NDUFA9: variants seen among roughly 807,000 people sequenced by gnomAD.
NDUFA9 encodes NADH:ubiquinone oxidoreductase subunit A9, also known as NADH dehydrogenase [ubiquinone] 1 alpha subcomplex subunit 9, mitochondrial.
Under a neutral mutation model 45.9 loss-of-function variants are expected in NDUFA9, and 23 were observed. That is an observed-to-expected ratio of 0.50 (90% confidence interval 0.36 to 0.71). NDUFA9 has a LOEUF of 0.71. Among genes scored for constraint, NDUFA9 ranks in the 30% least tolerant of loss-of-function variants. NDUFA9 has a pLI of 0.00. For synonymous variants in NDUFA9, 176 were observed against 170.5 expected (o/e 1.03, Z -0.25); for missense variants, 466 against 488.2 (o/e 0.95, Z 0.43).
chr12:4,672,552 G>A (rs1269465105), intron 8 of NDUFA9, among the ~76,000 whole-genome samples: 3 of 152,294 alleles, frequency 2.0e-5, no homozygotes, highest in Middle Eastern at 3.4e-3. Context: ...GGAGGGAGGG[G>A]CGTCCACCAT....
intron 9 of NDUFA9, among the ~76,000 whole-genome samples, 174 bp downstream of exon 9, chr12:4,682,474 AT>A (rs1710723566): frequency 1.3e-5 from 2 of 152,342 alleles, no homozygotes; most frequent in East Asian, 1.9e-4. Context: ...TTAAAAAAAA[AT>A]ATATTGGAAC....
chr12:4,669,100 T>C (rs184366351), intron 7 of NDUFA9, among the ~76,000 whole-genome samples: 92 of 152,294 alleles, frequency 6.0e-4, no homozygotes, highest in Non-Finnish European at 1.1e-3. Flanking sequence ...TTCTCAGTAG[T>C]GGCACTATTG....
Position 4,687,184 on chromosome 12 carries a change from C to G in NDUFA9, c.*76C>G, listed in dbSNP as rs1280166337. 3.6e-6 allele frequency: 5 copies of G among 1,405,990 alleles called. No individual in the cohort carries two copies. The highest frequency in any genetic ancestry group is 4.9e-6 in the Non-Finnish European group (5 of 1,026,810). 87.1% of individuals were successfully genotyped at this position (1,405,990 alleles called of 1,614,324 possible). A position where few individuals can be genotyped will look rare whatever the true frequency, so the allele number is the denominator to read the frequency against. On this transcript the variant is annotated 3_prime_UTR_variant, in exon 11 of 11. Transcript: ENST00000266544. ...GTTTGAGCACCCAGCCAGGCGGTCTCTTTAGAGGATCCTGTACACAGTTCC... is the reference window on the plus strand; with the variant it reads ...GTTTGAGCACCCAGCCAGGCGGTCTGTTTAGAGGATCCTGTACACAGTTCC...
rs188135296 is a variant in NDUFA9 at position 4,692,699 on chromosome 12, C to A, written c.*5591C>A. The A allele has an allele frequency of 1.6e-3, 238 of 152,232 alleles. 4 individuals are homozygous for A. Among genetic ancestry groups the A allele is most frequent in the Non-Finnish European group, 3.1e-4 (21 of 68,100 alleles). 9.4% of individuals were successfully genotyped at this position (152,232 alleles called of 1,614,324 possible). On this transcript the variant is annotated 3_prime_UTR_variant, in exon 11 of 11. Coordinates refer to ENST00000266544, the MANE Select transcript of NDUFA9 (RefSeq NM_005002.5). ...GGAGGGTATAACTTGTGGTGCCTAG[C>A]CCTAGAGGGAATGGAAGGGCCAGAA...
chr12:4,662,067 T>G (rs1054225037), intron 5 of NDUFA9, among the ~76,000 whole-genome samples: 1 of 152,144 alleles, frequency 6.6e-6, no homozygotes, highest in Non-Finnish European at 1.5e-5. Flanking sequence ...TGATAACAAG[T>G]AAGGATGGTA....
At position 4,688,641 on chromosome 12, in the gene NDUFA9, C is replaced by T. The variant is rs893959782; in HGVS notation, c.*1533C>T. The T allele has an allele frequency of 1.3e-5, 2 of 152,190 alleles. No homozygotes were observed. The highest frequency in any genetic ancestry group is 4.8e-5 in the African/African-American group (2 of 41,446). The allele number at this position is 152,190 out of a possible 1,614,324, so 9.4% of individuals were successfully genotyped here. Reference sequence around the variant, plus strand: ...GCTGTATCAGAGTTCAGTGTGATCCCTGTTATTAATCCAGGTTGCTGACCC... The same window carrying T: ...GCTGTATCAGAGTTCAGTGTGATCCTTGTTATTAATCCAGGTTGCTGACCC... On this transcript the variant is annotated 3_prime_UTR_variant, in exon 11 of 11. Coordinates refer to ENST00000266544, the MANE Select transcript of NDUFA9 (RefSeq NM_005002.5).
intron 8 of NDUFA9, among the ~76,000 whole-genome samples, chr12:4,679,282 ACTAGAGT>A (rs1244732076): frequency 6.6e-6 from 1 of 152,318 alleles, no homozygotes; most frequent in East Asian, 1.9e-4. Flanking sequence ...GGAGGATCTT[ACTAGAGT>A]AAGGAAAAAT....
intron 3 of NDUFA9, 66 bp downstream of exon 3, chr12:4,654,988 T>C: frequency 7.7e-7 from 1 of 1,300,216 alleles, no homozygotes; most frequent in Non-Finnish European, 1.1e-6. Flanking sequence ...TTAGGAGTGA[T>C]AGGCAGTATA....
chr12:4,651,963 A>AT (rs2073695899), intron 1 of NDUFA9, among the ~76,000 whole-genome samples: 1 of 152,166 alleles, frequency 6.6e-6, no homozygotes, highest in African/African-American at 2.4e-5. Context: ...TCAGTGCTAC[A>AT]TTTTTCTAGG....
chr12:4,674,689 A>T (rs1250678188), intron 8 of NDUFA9, among the ~76,000 whole-genome samples: 2 of 152,206 alleles, frequency 1.3e-5, no homozygotes, highest in African/African-American at 2.4e-5. Context: ...GGAGACCTAC[A>T]AAGAGACTTA....
intron 6 of NDUFA9, among the ~76,000 whole-genome samples, chr12:4,666,004 T>A (rs944833072): frequency 6.6e-6 from 1 of 152,086 alleles, no homozygotes; most frequent in Admixed American, 6.6e-5. Context: ...CAGGTCTTGC[T>A]CTCTTGCCCG....
At chr12:4,672,632 AG>A (rs1945894299) in intron 8 of NDUFA9, among the ~76,000 whole-genome samples, 1 of 152,240 alleles carries the variant, frequency 6.6e-6, no homozygotes, top group South Asian at 2.1e-4. Flanking sequence ...AACTGGGCAG[AG>A]CCCACTGCAG....
intron 8 of NDUFA9, among the ~76,000 whole-genome samples, chr12:4,679,361 A>T (rs1413440501): frequency 6.6e-6 from 1 of 152,238 alleles, no homozygotes; most frequent in Non-Finnish European, 1.5e-5. Flanking sequence ...AAATCATTGA[A>T]TTATATGCTT....
At position 4,649,131 on chromosome 12, in the gene NDUFA9, C is replaced by G. The variant is rs755567083; in HGVS notation, c.5C>G (p.Ala2Gly). Residue 2 changes from alanine (A) to glycine (G), a missense_variant, in exon 1 of 11, where the codon GCG becomes GGG. By Grantham distance (60) the Ala-to-Gly change is moderately conservative. Coordinates refer to ENST00000266544, the MANE Select transcript of NDUFA9 (RefSeq NM_005002.5). ...CGTGGGGGATTGTGGGAAAAGATGG[C>G]GGCTGCCGCACAATCCCGGGTTGTC... is the stretch of plus-strand genomic sequence containing the variant. M[A>G]AAAQSRVVRV... 6.2e-7 allele frequency: 1 copy of G among 1,603,572 alleles called. No homozygotes were observed. The highest frequency in any genetic ancestry group is 2.2e-5 in the East Asian group (1 of 44,540).
rs139674448 is a variant in NDUFA9, at chr12:4,685,304, A to G, written c.942A>G (p.Ile314Met). The G allele has an allele frequency of 3.8e-4, 608 of 1,614,086 alleles. No homozygotes were observed. The African/African-American group carries it at 7.3e-3, about 19-fold the overall frequency. The change falls in exon 10 of 11, where the codon ATA becomes ATG. Residue 314 changes from isoleucine (I) to methionine (M), a missense_variant. Physicochemically the swap from Ile to Met is conservative, Grantham distance 10 (BLOSUM62 1). Transcript: ENST00000266544. ...VFEISPFEPW[I>M]TRDKVERMHI... ...AAATAAGCCCATTTGAGCCCTGGAT[A>G]ACAAGGGATAAAGTGGAGCGGGTGA...
At chr12:4,679,988 T>C (rs1022829930) in intron 8 of NDUFA9, among the ~76,000 whole-genome samples, 1 of 152,214 alleles carries the variant, frequency 6.6e-6, no homozygotes, top group Non-Finnish European at 1.5e-5. Flanking sequence ...CAAACATTTC[T>C]TCAACTTTAA....
chr12:4,678,527 G>T (rs1318011180), intron 8 of NDUFA9, among the ~76,000 whole-genome samples: 1 of 151,944 alleles, frequency 6.6e-6, no homozygotes, highest in Non-Finnish European at 1.5e-5. Flanking sequence ...TCACAGATTG[G>T]GGGAAAATAT....
intron 5 of NDUFA9, among the ~76,000 whole-genome samples, chr12:4,660,949 GGAAGAT>G (rs1945819894): frequency 6.6e-6 from 1 of 152,088 alleles, no homozygotes; most frequent in South Asian, 2.1e-4. Context: ...ACTGGCAAGA[GGAAGAT>G]GAAAGACTGA....
rs11834553 is a variant in NDUFA9, at chr12:4,659,469, C to G, written c.552+292C>G. On this transcript the variant is annotated intron_variant, in intron 5 of 10. Transcript: ENST00000266544. The stretch of plus-strand genomic sequence containing the variant: ...CATCATTGAATTATACAGAAACCAT[C>G]ACAGATTTCTGCCAAAGGAATCATA... Among the ~76,000 whole-genome samples, 2,503 of 152,272 alleles carry G rather than the reference C, an allele frequency of 0.016. 58 individuals are homozygous for G. The highest frequency in any genetic ancestry group is 0.055 in the African/African-American group (2,264 of 41,530).
Sources: allele counts gnomAD v4.1 joint callset (sites outside exome capture counted in the v4.1 genomes callset), GRCh38; gene constraint gnomAD v4.1.1; transcripts MANE v1.5; gene names NCBI Gene and HGNC (gene_info 2026-07-23, HGNC 2026-07-21).